Variants in TRAPPC10 observed in about 807,000 individuals in gnomAD.
TRAPPC10 encodes the protein TRAPP 130 kDa subunit.
TRAPPC10 carries 23 observed loss-of-function variants against 125.5 expected under a neutral mutation model. That is an observed-to-expected ratio of 0.18 (90% CI 0.13 to 0.26). The LOEUF (loss-of-function observed/expected upper bound fraction) is 0.26. TRAPPC10 is among the 10% of genes least tolerant of loss of function. TRAPPC10 has a pLI of 1.00. For synonymous variants in TRAPPC10, 509 were observed against 518.0 expected (o/e 0.98, Z 0.24); for missense variants, 1,123 against 1,308.4 (o/e 0.86, Z 2.19).
intron 1 of TRAPPC10, among the ~76,000 whole-genome samples, chr21:44,018,869 T>G (rs1453705259): frequency 6.6e-6 from 1 of 152,146 alleles, no homozygotes. Context: ...AGGATTTTTT[T>G]GTCGTAGGAA....
At chr21:44,077,583 TCAAAA>T in intron 10 of TRAPPC10, 105 bp from the exon 11 acceptor site, 1 of 853,526 alleles carries the variant, frequency 1.2e-6, no homozygotes, top group Admixed American at 2.4e-5. Context: ...AGACTCTGTC[TCAAAA>T]CAAAAACCCA....
intron 4 of TRAPPC10, among the ~76,000 whole-genome samples, chr21:44,053,709 G>A (rs1021180697): frequency 1.3e-5 from 2 of 152,206 alleles, no homozygotes; most frequent in Non-Finnish European, 2.9e-5. Context: ...AGCAGTAGCC[G>A]TTGTGGTGTC....
At chr21:44,065,201 A>G (rs149257054) in intron 7 of TRAPPC10, among the ~76,000 whole-genome samples, 2 of 152,226 alleles carry the variant, frequency 1.3e-5, no homozygotes, top group East Asian at 3.9e-4. Flanking sequence ...TAGTTTTGTT[A>G]TTACCTTGTG....
chr21:44,085,559 G>A (rs530479454), intron 15 of TRAPPC10, among the ~76,000 whole-genome samples: 35 of 152,096 alleles, frequency 2.3e-4, no homozygotes, highest in Middle Eastern at 6.8e-3. Context: ...GGGTGTAGTC[G>A]TGCGCCACGG....
chr21:44,024,033 A>G (rs1269519840), intron 1 of TRAPPC10, among the ~76,000 whole-genome samples: 1 of 152,178 alleles, frequency 6.6e-6, no homozygotes, highest in East Asian at 1.9e-4. Context: ...TGATCCACCC[A>G]CCTTGGCCTC....
intron 1 of TRAPPC10, among the ~76,000 whole-genome samples, chr21:44,028,890 C>T (rs1443207312): frequency 6.6e-6 from 1 of 152,126 alleles, no homozygotes; most frequent in African/African-American, 2.4e-5. Flanking sequence ...CCTCTGTTGC[C>T]CGTGGGATTA....
intron 3 of TRAPPC10, 23 bp from the exon 4 acceptor site, chr21:44,052,257 C>A: frequency 6.4e-7 from 1 of 1,552,532 alleles, no homozygotes; most frequent in Admixed American, 2.2e-5. Flanking sequence ...AACCTGCTTT[C>A]ACAGTGACTT....
At chr21:44,020,755 C>A (rs2147159983) in intron 1 of TRAPPC10, among the ~76,000 whole-genome samples, 1 of 152,334 alleles carries the variant, frequency 6.6e-6, no homozygotes, top group South Asian at 2.1e-4. Context: ...TTTGTGGGCA[C>A]TGTCAGTTCA....
chr21:44,079,514 G>A, intron 11 of TRAPPC10, 50 bp from the exon 12 acceptor site: 1 of 1,560,462 alleles, frequency 6.4e-7, no homozygotes. Flanking sequence ...GTTTCAGTGT[G>A]TTGATTATCC....
Position 44,044,096 on chromosome 21 carries a change from A to G in TRAPPC10, c.285+6169A>G, listed in dbSNP as rs569111158. Among the ~76,000 whole-genome samples the G allele has an allele frequency of 1.4e-4, 22 of 152,346 alleles. No homozygotes were observed. In the South Asian group the frequency reaches 2.5e-3, roughly 17 times the overall value. ...AGTTGAAAAAGAGAAGGCTGGAGGC[A>G]TTTTGATTGGGATTGCCTTGAATAA... On this transcript the variant is annotated intron_variant, in intron 3 of 22. Transcript: ENST00000291574.
intron 1 of TRAPPC10, among the ~76,000 whole-genome samples, chr21:44,014,367 T>C (rs2031554227): frequency 6.6e-6 from 1 of 150,478 alleles, no homozygotes; most frequent in Non-Finnish European, 1.5e-5. Flanking sequence ...TTCCTGTGTT[T>C]TGAGCAGCAG....
intron 1 of TRAPPC10, among the ~76,000 whole-genome samples, chr21:44,022,674 C>A (rs1014826364): frequency 6.6e-6 from 1 of 151,858 alleles, no homozygotes; most frequent in African/African-American, 2.4e-5. Flanking sequence ...CTTAAATGTC[C>A]ATTTTTAAAA....
chr21:44,045,841 C>T (rs2034761672), intron 3 of TRAPPC10, among the ~76,000 whole-genome samples: 1 of 152,148 alleles, frequency 6.6e-6, no homozygotes, highest in South Asian at 2.1e-4. Context: ...CAGGCGTGAG[C>T]CACCGCACCG....
chr21:44,019,201 AC>A (rs2032217533), intron 1 of TRAPPC10, among the ~76,000 whole-genome samples: 1 of 152,054 alleles, frequency 6.6e-6, no homozygotes, highest in Non-Finnish European at 1.5e-5. Flanking sequence ...CTTGTGTGCC[AC>A]CATGCCCAGT....
At chr21:44,029,089 T>C (rs2033339372) in intron 1 of TRAPPC10, among the ~76,000 whole-genome samples, 1 of 152,210 alleles carries the variant, frequency 6.6e-6, no homozygotes, top group Non-Finnish European at 1.5e-5. Context: ...ACCATCTTTT[T>C]TTTTGTTGTT....
At chr21:44,084,092 G>C in intron 14 of TRAPPC10, 30 bp from the exon 15 acceptor site, 1 of 1,612,732 alleles carries the variant, frequency 6.2e-7, no homozygotes, top group Non-Finnish European at 8.5e-7. Context: ...TGGGTGACGT[G>C]GTTTCAAATG....
intron 15 of TRAPPC10, 117 bp downstream of exon 15, chr21:44,084,380 G>T: frequency 9.4e-7 from 1 of 1,067,232 alleles, no homozygotes; most frequent in South Asian, 2.0e-5. Flanking sequence ...GAGATATTTT[G>T]GGTAACATAA....
At chr21:44,057,918 G>C (rs2035731498) in intron 5 of TRAPPC10, among the ~76,000 whole-genome samples, 1 of 152,238 alleles carries the variant, frequency 6.6e-6, no homozygotes, top group South Asian at 2.1e-4. Flanking sequence ...TTATGTGCGT[G>C]CACATCCTCC....
intron 12 of TRAPPC10, 36 bp downstream of exon 12, chr21:44,079,740 T>C (rs994178099): frequency 5.7e-6 from 9 of 1,591,264 alleles, no homozygotes; most frequent in Non-Finnish European, 6.8e-6. Flanking sequence ...AGGAAAATTA[T>C]TTTCTGTTTA....
Sources: gnomAD v4.1 joint callset for allele counts (sites outside exome capture counted in the v4.1 genomes callset) on GRCh38, gnomAD v4.1.1 for gene constraint, MANE v1.5 for transcripts, NCBI Gene and HGNC (gene_info 2026-07-23, HGNC 2026-07-21) for gene names.